ARHGEF10L: variants seen among roughly 807,000 people sequenced by gnomAD.
ARHGEF10L encodes rho guanine nucleotide exchange factor 10-like protein.
A neutral mutation model predicts 141.2 loss-of-function variants in ARHGEF10L; 69 were observed. That is an observed-to-expected ratio of 0.49 (90% confidence interval 0.40 to 0.60). The LOEUF (loss-of-function observed/expected upper bound fraction) is 0.60. Among genes scored for constraint, ARHGEF10L ranks in the 20% least tolerant of loss-of-function variants. The pLI, the probability that ARHGEF10L is intolerant of heterozygous loss-of-function variation, is 0.00. For missense variants in ARHGEF10L, 1,482 were observed against 1,734.3 expected, an observed-to-expected ratio of 0.85 and a Z score of 2.58; for synonymous variants, 711 against 718.5, an observed-to-expected ratio of 0.99 and a Z score of 0.17.
At chr1:17,635,776 G>C (rs949733224) in intron 18 of ARHGEF10L, among the ~76,000 whole-genome samples, 1 of 152,160 alleles carries the variant, frequency 6.6e-6, no homozygotes, top group African/African-American at 2.4e-5. Context: ...AGGGTACGGT[G>C]GGCATTAATA....
intron 8 of ARHGEF10L, among the ~76,000 whole-genome samples, chr1:17,613,401 C>G (rs888301343): frequency 1.3e-5 from 2 of 152,202 alleles, no homozygotes; most frequent in South Asian, 4.1e-4. Context: ...TCTTTCTCCC[C>G]ACCTGCAAGT....
intron 12 of ARHGEF10L, among the ~76,000 whole-genome samples, chr1:17,624,144 C>T (rs2060255629): frequency 6.6e-6 from 1 of 152,188 alleles, no homozygotes; most frequent in Admixed American, 6.5e-5. Context: ...CTGGGCTCTC[C>T]TGTGGCACCA....
rs2100804130 is a variant in ARHGEF10L, at chr1:17,558,496, C to A, written c.-44+18546C>A. Among the ~76,000 whole-genome samples the A allele has an allele frequency of 6.6e-6, 1 of 152,334 alleles. No individual in the cohort carries two copies. Among genetic ancestry groups the A allele is most frequent in the East Asian group, 1.9e-4 (1 of 5,192 alleles). On this transcript the variant is annotated intron_variant, in intron 1 of 28. Coordinates refer to ENST00000361221, the MANE Select transcript of ARHGEF10L (RefSeq NM_018125.4). The surrounding 1 kb of genome is among the most constrained non-coding windows in gnomAD (Gnocchi z 4.2). ...GGGACAAGTGGCCAGCTGTCTGTCC[C>A]AGTGGTCATCATGGGAGACTGCTCT...
At chr1:17,646,024 G>T (rs982683143) in intron 21 of ARHGEF10L, among the ~76,000 whole-genome samples, 4 of 152,192 alleles carry the variant, frequency 2.6e-5, no homozygotes, top group African/African-American at 9.7e-5. Flanking sequence ...TGTTTCCAGG[G>T]CCCAGCAGGG....
rs181747827 is a variant in ARHGEF10L, at chr1:17,687,719, C to T, written c.3156C>T (p.Ile1052=). 1.9e-5 allele frequency: 31 copies of T among 1,593,720 alleles called. No homozygotes were observed. The highest frequency in any genetic ancestry group is 1.7e-4 in the Middle Eastern group (1 of 5,966). Residue 1052 remains isoleucine (I), a synonymous_variant, in exon 27 of 29, where the codon ATC becomes ATT. Coordinates refer to ENST00000361221, the MANE Select transcript of ARHGEF10L (RefSeq NM_018125.4). ...TGGAGCATCTGCAAGAGATCAACAT[C>T]GCCACCAGGACCACCTTCCTCCTGC... is the stretch of plus-strand genomic sequence containing the variant. ...ETLEHLQEIN[I]ATRTTFLLPG...
At position 17,656,197 on chromosome 1, in the gene ARHGEF10L, C is replaced by T; in HGVS notation, c.2705+95C>T. The T allele has an allele frequency of 3.7e-6, 5 of 1,352,240 alleles. No homozygotes were observed. Among genetic ancestry groups the T allele is most frequent in the Non-Finnish European group, 5.0e-6 (5 of 990,166 alleles). The allele number at this position is 1,352,240 out of a possible 1,614,324, so 83.8% of individuals were successfully genotyped here. ...TAGCCTTCCGGATCTGCCTGTTGCC[C>T]ACCAACATTCTCTGCCCCTGGTCTC... On this transcript the variant is annotated intron_variant, in intron 24 of 28. Transcript: ENST00000361221. The surrounding 1 kb of genome is among the most constrained non-coding windows in gnomAD (Gnocchi z 4.9).
rs1338875819 is a variant in ARHGEF10L, at chr1:17,640,252, T to A, written c.2222T>A (p.Leu741Gln). 4 of 1,613,410 alleles carry A rather than the reference T, an allele frequency of 2.5e-6. No individual in the cohort carries two copies. Among genetic ancestry groups the A allele is most frequent in the Non-Finnish European group, 3.4e-6 (4 of 1,179,782 alleles). The stretch of plus-strand genomic sequence containing the variant: ...GTGGTTTTCATCACCCCCAACCCCC[T>A]GAGCAAGATTTCCTGGGTCAACAGG... Reference protein sequence around the residue: ...FMVVFITPNPLSKISWVNRLH... With the variant: ...FMVVFITPNPQSKISWVNRLH... The change falls in exon 21 of 29, where the codon CTG (leucine) becomes CAG (glutamine). Residue 741 changes from leucine to glutamine, a missense_variant. This residue lies in a region of ARHGEF10L where 858 missense variants were observed against 966.3 expected (regional missense o/e 0.89). Coordinates refer to ENST00000361221, the MANE Select transcript of ARHGEF10L (RefSeq NM_018125.4).
At chr1:17,524,300 G>A in the ARHGEF10L span, among the ~76,000 whole-genome samples, 1,531 of 147,036 alleles carry the variant, frequency 0.01, 37 homozygotes, top group African/African-American at 0.037. Flanking sequence ...GCGAGACTCC[G>A]TCTCAAGAAA....
the ARHGEF10L span, among the ~76,000 whole-genome samples, chr1:17,527,955 G>A: frequency 6.7e-5 from 10 of 149,000 alleles, no homozygotes; most frequent in Admixed American, 1.4e-4. Flanking sequence ...TGCAACCTCC[G>A]CCTCCTGGGT....
At chr1:17,634,326 T>G in intron 16 of ARHGEF10L, 1 of 704,106 alleles carries the variant, frequency 1.4e-6, no homozygotes, top group Non-Finnish European at 2.5e-6. Flanking sequence ...TTGTCTGGGA[T>G]CATCTAAGCT....
Position 17,625,882 on chromosome 1 carries a change from A to T in ARHGEF10L, c.1318-74A>T, listed in dbSNP as rs1053460080. 2.3e-5 allele frequency: 30 copies of T among 1,313,506 alleles called. No homozygotes were observed. The highest frequency in any genetic ancestry group is 1.0e-4 in the Admixed American group (6 of 57,796). The allele number at this position is 1,313,506 out of a possible 1,614,324, so 81.4% of individuals were successfully genotyped here. On this transcript the variant is annotated intron_variant, in intron 13 of 28. Transcript: ENST00000361221. The surrounding 1 kb of genome is among the most constrained non-coding windows in gnomAD (Gnocchi z 4.5). ...CTGGGGAGAGGAGCCCAGAATGGGG[A>T]CAGTGTCTGGACTCTGGGGCACTGG...
chr1:17,538,257 G>A (rs2076609210), upstream of ARHGEF10L, among the ~76,000 whole-genome samples: 1 of 152,070 alleles, frequency 6.6e-6, no homozygotes, highest in African/African-American at 2.4e-5. Context: ...TCTTCTTCCT[G>A]CTTTGCTAGC....
At chr1:17,692,932 G>A (rs1285799141) in intron 27 of ARHGEF10L, among the ~76,000 whole-genome samples, 1 of 152,116 alleles carries the variant, frequency 6.6e-6, no homozygotes, top group Non-Finnish European at 1.5e-5. Context: ...CTCAGGTCTT[G>A]GTGTGGCCAC....
At chr1:17,547,670 A>G (rs898634152) in intron 1 of ARHGEF10L, among the ~76,000 whole-genome samples, 4 of 152,232 alleles carry the variant, frequency 2.6e-5, no homozygotes, top group African/African-American at 4.8e-5. Flanking sequence ...GAACCTAGAC[A>G]TTACCCACAA....
intron 6 of ARHGEF10L, chr1:17,604,810 G>C (rs1337173644): frequency 6.6e-6 from 1 of 152,238 alleles, no homozygotes; most frequent in Non-Finnish European, 1.5e-5. Context: ...GGAGGTCTGA[G>C]CGGCTGAGGG....
intron 9 of ARHGEF10L, chr1:17,618,253 G>GCCCCCCCCCCCCC: frequency 7.4e-7 from 1 of 1,356,216 alleles, no homozygotes. Flanking sequence ...GCTCTCCTCA[G>GCCCCCCCCCCCCC]CCCTCCCCAC....
At chr1:17,578,906 G>A (rs1413254073) in intron 1 of ARHGEF10L, among the ~76,000 whole-genome samples, 2 of 152,196 alleles carry the variant, frequency 1.3e-5, no homozygotes, top group Admixed American at 1.3e-4. Context: ...CTGCAGATAT[G>A]CAAGTTGGCC....
chr1:17,580,429 G>T, intron 1 of ARHGEF10L, 124 bp from the exon 2 acceptor site: 1 of 755,908 alleles, frequency 1.3e-6, no homozygotes, highest in Non-Finnish European at 2.2e-6. Context: ...GGGCCTTTCT[G>T]GGGCTGCCCT....
chr1:17,585,029 T>C (rs888501665), intron 2 of ARHGEF10L, among the ~76,000 whole-genome samples: 1 of 152,234 alleles, frequency 6.6e-6, no homozygotes, highest in Non-Finnish European at 1.5e-5. Flanking sequence ...GGTATTATAA[T>C]ATCAAAAAGA....
Sources: gnomAD v4.1 joint callset for allele counts (sites outside exome capture counted in the v4.1 genomes callset) on GRCh38, gnomAD v4.1.1 for gene constraint, gnomAD v4.1.1 regional missense constraint, Gnocchi (gnomAD v3.1) non-coding constraint, MANE v1.5 for transcripts, NCBI Gene and HGNC (gene_info 2026-07-23, HGNC 2026-07-21) for gene names.